ARHGAP42: variants seen among roughly 807,000 people sequenced by gnomAD.
ARHGAP42 encodes Rho GTPase activating protein 42.
ARHGAP42 carries 63 observed loss-of-function variants against 125.0 expected under a neutral mutation model. That is an observed-to-expected ratio of 0.50 (90% CI 0.41 to 0.62). The LOEUF is 0.62. ARHGAP42 is among the 20% of genes least tolerant of loss of function. The pLI, the probability that ARHGAP42 is intolerant of heterozygous loss-of-function variation, is 0.00. For missense variants in ARHGAP42, 766 were observed against 1,024.2 expected (o/e 0.75, Z 3.44); for synonymous variants, 339 against 351.0 (o/e 0.97, Z 0.38).
intron 3 of ARHGAP42, among the ~76,000 whole-genome samples, chr11:100,821,790 T>C (rs1267856877): frequency 2.0e-5 from 3 of 152,152 alleles, no homozygotes; most frequent in Non-Finnish European, 4.4e-5. Flanking sequence ...TTTGAAGCTA[T>C]ACTTTATTAT....
intron 1 of ARHGAP42, among the ~76,000 whole-genome samples, chr11:100,689,543 A>G (rs1383414609): frequency 6.6e-6 from 1 of 152,230 alleles, no homozygotes; most frequent in Non-Finnish European, 1.5e-5. Flanking sequence ...ATACTTTATT[A>G]TGATGGTTGA....
chr11:100,859,733 G>A, intron 4 of ARHGAP42, 108 bp downstream of exon 4: 1 of 880,672 alleles, frequency 1.1e-6, no homozygotes, highest in Non-Finnish European at 1.6e-6. Context: ...AAAAGATTTT[G>A]TACATCATTT....
chr11:100,859,447 C>T (rs1009998725), intron 3 of ARHGAP42, 107 bp from the exon 4 acceptor site: 1 of 931,566 alleles, frequency 1.1e-6, no homozygotes, highest in Non-Finnish European at 1.6e-6. Flanking sequence ...TAGATGCAAA[C>T]AAAAACAAAA....
chr11:100,873,438 A>G (rs1865741843), intron 4 of ARHGAP42, among the ~76,000 whole-genome samples: 2 of 152,218 alleles, frequency 1.3e-5, no homozygotes, highest in South Asian at 4.1e-4. Flanking sequence ...AACTCATTGT[A>G]TAACCTACCA....
intron 22 of ARHGAP42, among the ~76,000 whole-genome samples, chr11:100,979,500 T>C (rs1305697808): frequency 6.6e-6 from 1 of 152,184 alleles, no homozygotes; most frequent in Non-Finnish European, 1.5e-5. Context: ...TTAGAGTACA[T>C]AATTTCATTA....
intron 3 of ARHGAP42, among the ~76,000 whole-genome samples, chr11:100,817,034 G>A (rs1305022581): frequency 2.0e-5 from 3 of 152,192 alleles, no homozygotes. Context: ...TGTCTCACCA[G>A]AAGTGAATCA....
chr11:100,852,842 G>T (rs918481770), intron 3 of ARHGAP42, among the ~76,000 whole-genome samples: 3 of 152,194 alleles, frequency 2.0e-5, no homozygotes, highest in Non-Finnish European at 4.4e-5. Context: ...GAGGTACAAA[G>T]TTCAGCAGAC....
intron 12 of ARHGAP42, among the ~76,000 whole-genome samples, chr11:100,952,005 G>C (rs1857666643): frequency 1.3e-5 from 2 of 152,078 alleles, no homozygotes; most frequent in African/African-American, 4.8e-5. Context: ...TATTACCCAA[G>C]GGAAGATTTT....
chr11:100,958,965 A>G (rs879638930), intron 12 of ARHGAP42, among the ~76,000 whole-genome samples: 3 of 151,794 alleles, frequency 2.0e-5, no homozygotes, highest in Non-Finnish European at 4.4e-5. Flanking sequence ...CTGGGGATCT[A>G]TTTTGAGTTA....
chr11:100,913,958 G>A (rs1055631331), intron 5 of ARHGAP42, among the ~76,000 whole-genome samples: 1 of 152,074 alleles, frequency 6.6e-6, no homozygotes, highest in African/African-American at 2.4e-5. Context: ...TTTTTGAGAT[G>A]GAGTTTGGCT....
At chr11:100,955,781 A>G (rs1053451026) in intron 12 of ARHGAP42, among the ~76,000 whole-genome samples, 1 of 145,122 alleles carries the variant, frequency 6.9e-6, no homozygotes, top group African/African-American at 2.6e-5. Context: ...ACATTTGAAC[A>G]TGAAAGAGTT....
In ARHGAP42 at chr11:100,795,150, A is replaced by G; in HGVS notation, c.296A>G (p.Glu99Gly). The stretch of plus-strand genomic sequence containing the variant: ...GCAAGACTACTCATTGCAGTAGAAG[A>G]AGAAAGGCGAAGACTGGTAAGTCTG... ...EFARLLIAVE[E>G]ERRRLIQNAN... The change falls in exon 3 of 24, where the codon GAA (glutamate) becomes GGA (glycine). Residue 99 changes from glutamate to glycine, a missense_variant. Transcript: ENST00000298815. The G allele has an allele frequency of 6.5e-7, 1 of 1,542,666 alleles. No individual in the cohort carries two copies. The highest frequency in any genetic ancestry group is 8.8e-7 in the Non-Finnish European group (1 of 1,142,602).
chr11:100,867,453 G>A (rs1865596192), intron 4 of ARHGAP42, among the ~76,000 whole-genome samples: 1 of 152,162 alleles, frequency 6.6e-6, no homozygotes, highest in African/African-American at 2.4e-5. Flanking sequence ...GTTAGGATGT[G>A]GCTACTTTTC....
intron 5 of ARHGAP42, among the ~76,000 whole-genome samples, chr11:100,914,136 T>C (rs1042912294): frequency 6.6e-6 from 1 of 152,134 alleles, no homozygotes; most frequent in African/African-American, 2.4e-5. Flanking sequence ...GGTTTCACCA[T>C]GTTAGTCAGG....
intron 3 of ARHGAP42, among the ~76,000 whole-genome samples, chr11:100,817,124 A>G (rs1044284909): frequency 6.6e-6 from 1 of 152,224 alleles, no homozygotes; most frequent in Non-Finnish European, 1.5e-5. Flanking sequence ...TTCTCCACCC[A>G]GCACTGTTGA....
At chr11:100,872,819 C>T (rs538459700) in intron 4 of ARHGAP42, among the ~76,000 whole-genome samples, 84 of 152,210 alleles carry the variant, frequency 5.5e-4, no homozygotes, top group African/African-American at 1.9e-3. Flanking sequence ...CAAAAACATT[C>T]GATTCAATGG....
chr11:100,917,293 G>A (rs904708984), intron 5 of ARHGAP42, among the ~76,000 whole-genome samples: 13 of 151,998 alleles, frequency 8.6e-5, no homozygotes, highest in African/African-American at 3.1e-4. Context: ...AAGTCCTTAG[G>A]CATAGTTCTT....
chr11:100,755,479 A>G (rs1862549601), intron 1 of ARHGAP42, among the ~76,000 whole-genome samples: 1 of 152,254 alleles, frequency 6.6e-6, no homozygotes, highest in South Asian at 2.1e-4. Flanking sequence ...TCCTGAAAAT[A>G]CAGAGAGATA....
At chr11:100,928,329 C>T (rs11224516) in intron 6 of ARHGAP42, among the ~76,000 whole-genome samples, 11,049 of 152,180 alleles carry the variant, frequency 0.073, 591 homozygotes, top group East Asian at 0.29. Flanking sequence ...GGCATGGTTG[C>T]TCACACCTGT....
Sources: gnomAD v4.1 joint callset for allele counts (sites outside exome capture counted in the v4.1 genomes callset) on GRCh38, gnomAD v4.1.1 for gene constraint, MANE v1.5 for transcripts, NCBI Gene and HGNC (gene_info 2026-07-23, HGNC 2026-07-21) for gene names.